The following NAV2 variants were observed in gnomAD, a reference collection of about 807,000 sequenced individuals.
The protein encoded by NAV2 is neuron navigator 2, also known as helicase, APC down-regulated 1.
A neutral mutation model predicts 223.2 loss-of-function variants in NAV2; 54 were observed. That is an observed-to-expected ratio of 0.24 (90% CI 0.19 to 0.30). The LOEUF (loss-of-function observed/expected upper bound fraction) is 0.30. Ranked by LOEUF, NAV2 falls within the 10% of genes least tolerant of loss-of-function variation. The probability of loss-of-function intolerance (pLI) is 1.00; values close to 1 mark genes in which losing one functional copy is unlikely to be tolerated. For missense variants in NAV2, 2,806 were observed against 3,147.5 expected, an observed-to-expected ratio of 0.89 and a Z score of 2.60; for synonymous variants, 1,279 against 1,239.3, an observed-to-expected ratio of 1.03 and a Z score of -0.67.
chr11:19,849,897 C>A (rs955532625), intron 3 of NAV2, among the ~76,000 whole-genome samples: 1 of 152,134 alleles, frequency 6.6e-6, no homozygotes, highest in South Asian at 2.1e-4. Context: ...TGGCAACAAC[C>A]TCCACGTCTG....
intron 1 of NAV2, among the ~76,000 whole-genome samples, chr11:19,749,564 T>C (rs530533217): frequency 6.6e-6 from 1 of 152,306 alleles, no homozygotes; most frequent in Non-Finnish European, 1.5e-5. Flanking sequence ...TGAATTAAGC[T>C]CCTTATGGGA....
intron 6 of NAV2, among the ~76,000 whole-genome samples, chr11:19,907,534 G>C (rs930706947): frequency 1.3e-5 from 2 of 152,104 alleles, no homozygotes; most frequent in African/African-American, 4.8e-5. Context: ...TAGGGGGAGG[G>C]GGAATTTGAG....
At chr11:19,884,852 G>T (rs944655542) in intron 5 of NAV2, among the ~76,000 whole-genome samples, 1 of 152,028 alleles carries the variant, frequency 6.6e-6, no homozygotes, top group East Asian at 1.9e-4. Flanking sequence ...ATAAAGACTT[G>T]AGCATGAATC....
intron 1 of NAV2, among the ~76,000 whole-genome samples, chr11:19,539,897 G>A (rs189831207): frequency 1.8e-4 from 27 of 152,292 alleles, no homozygotes; most frequent in Admixed American, 6.5e-5. Context: ...GAGATAGGTC[G>A]TGGAGGGGGA....
intron 1 of NAV2, among the ~76,000 whole-genome samples, chr11:19,374,664 T>C (rs1231098601): frequency 6.6e-6 from 1 of 152,192 alleles, no homozygotes; most frequent in African/African-American, 2.4e-5. Flanking sequence ...TCTTTTTTGT[T>C]GTGTTAAGAA....
intron 31 of NAV2, 44 bp downstream of exon 31, chr11:20,097,789 G>A: frequency 1.3e-6 from 2 of 1,516,104 alleles, no homozygotes; most frequent in Non-Finnish European, 1.8e-6. Flanking sequence ...AGGAATTGCA[G>A]TGTTTGTTTT....
intron 1 of NAV2, among the ~76,000 whole-genome samples, chr11:19,618,384 GGATGGATGGATGAATA>G: frequency 2.0e-5 from 2 of 102,406 alleles, no homozygotes; most frequent in African/African-American, 7.8e-5. Context: ...ATGGATGGAT[GGATGGATGGATGAATA>G]GATGGATGGA....
At position 19,848,687 on chromosome 11, in the gene NAV2, A is replaced by G. The variant is rs151323348; in HGVS notation, c.438+5764A>G. On this transcript the variant is annotated intron_variant, in intron 3 of 37. Coordinates refer to ENST00000349880, the MANE Select transcript of NAV2 (RefSeq NM_145117.5). ...ATGAAGTGCTGGCACGTTGCTGGCC[A>G]CAGAGTTGCTGGCCTCAGTAGATGT... Among the ~76,000 whole-genome samples, 355 of 152,312 alleles carry G rather than the reference A, an allele frequency of 2.3e-3. 1 individual carries two copies. Among genetic ancestry groups the G allele is most frequent in the African/African-American group, 8.1e-3 (336 of 41,556 alleles).
chr11:19,512,576 T>C (rs1055335825), intron 1 of NAV2, among the ~76,000 whole-genome samples: 1 of 152,210 alleles, frequency 6.6e-6, no homozygotes, highest in Non-Finnish European at 1.5e-5. Flanking sequence ...ACATTTTATT[T>C]TAGGATCTTA....
intron 27 of NAV2, 139 bp from the exon 28 acceptor site, chr11:20,092,067 A>G: frequency 1.3e-6 from 1 of 748,442 alleles, no homozygotes; most frequent in Non-Finnish European, 2.3e-6. Context: ...AAACACTGCT[A>G]AATCTCTCTG....
chr11:19,441,316 A>G (rs140095497), intron 1 of NAV2, among the ~76,000 whole-genome samples: 15 of 152,206 alleles, frequency 9.9e-5, no homozygotes, highest in Admixed American at 4.6e-4. Context: ...TTGGTTTTTG[A>G]CTTAAGAGTC....
intron 1 of NAV2, among the ~76,000 whole-genome samples, chr11:19,794,188 A>G (rs1037384720): frequency 6.6e-6 from 1 of 152,198 alleles, no homozygotes; most frequent in South Asian, 2.1e-4. Context: ...ATGAATGACA[A>G]ATGACTTGAG....
chr11:19,922,232 T>C (rs926100076), intron 6 of NAV2, among the ~76,000 whole-genome samples: 2 of 152,106 alleles, frequency 1.3e-5, no homozygotes, highest in African/African-American at 2.4e-5. Context: ...TGGACTGCTC[T>C]GGCAGGTGTT....
chr11:19,809,796 C>CG (rs1390919742), intron 1 of NAV2, among the ~76,000 whole-genome samples: 1 of 152,006 alleles, frequency 6.6e-6, no homozygotes, highest in Non-Finnish European at 1.5e-5. Context: ...CTATTGCCCC[C>CG]CAATTGGGAT....
chr11:20,100,612 G>C (rs2153698352), intron 31 of NAV2, among the ~76,000 whole-genome samples: 1 of 151,156 alleles, frequency 6.6e-6, no homozygotes, highest in East Asian at 2.0e-4. Flanking sequence ...AGTAAATCCA[G>C]ACAGGCAAAT....
In NAV2 at chr11:20,095,144, A is replaced by G. The variant is rs941756590; in HGVS notation, c.5917-528A>G. ...AATAGAAACACATTTTGTCCTGACAATGTTTAAGATCTAGTAAGGAGGTAA... is the reference window on the plus strand; with the variant it reads ...AATAGAAACACATTTTGTCCTGACAGTGTTTAAGATCTAGTAAGGAGGTAA... On this transcript the variant is annotated intron_variant, in intron 29 of 37. Transcript: ENST00000349880. Among the ~76,000 whole-genome samples, 8 of 152,244 alleles carry G rather than the reference A, an allele frequency of 5.3e-5. 1 individual carries two copies. The highest frequency in any genetic ancestry group is 2.0e-4 in the Admixed American group (3 of 15,282).
intron 1 of NAV2, among the ~76,000 whole-genome samples, chr11:19,532,402 A>G (rs889891489): frequency 6.6e-6 from 1 of 152,220 alleles, no homozygotes; most frequent in Non-Finnish European, 1.5e-5. Context: ...CCAGAAAAAA[A>G]GTCCATCTGT....
intron 36 of NAV2, 114 bp downstream of exon 36, chr11:20,107,896 C>CATG: frequency 2.7e-6 from 2 of 750,458 alleles, no homozygotes; most frequent in Non-Finnish European, 2.3e-6. Flanking sequence ...GTGACAACCC[C>CATG]TCACCTGGGA....
chr11:20,051,280 T>C lies in NAV2; in HGVS notation c.4437-9T>C, dbSNP rs199547004. On this transcript the variant is annotated splice_polypyrimidine_tract_variant and intron_variant, in intron 16 of 37. Transcript: ENST00000349880. ...TGAAGTTCTTATTTTTGTTTTAACTTTCCTACAGTGACCCGCACCTTGATA... is the reference window on the plus strand; with the variant it reads ...TGAAGTTCTTATTTTTGTTTTAACTCTCCTACAGTGACCCGCACCTTGATA... 3.1e-6 allele frequency: 5 copies of C among 1,613,916 alleles called. No homozygotes were observed. The East Asian group carries it at 1.1e-4, about 36-fold the overall frequency.
Sources: gnomAD v4.1 joint callset for allele counts (sites outside exome capture counted in the v4.1 genomes callset) on GRCh38, gnomAD v4.1.1 for gene constraint, MANE v1.5 for transcripts, NCBI Gene and HGNC (gene_info 2026-07-23, HGNC 2026-07-21) for gene names.